GRM7: variants seen among roughly 807,000 people sequenced by gnomAD.
GRM7 encodes the protein metabotropic glutamate receptor 7.
In GRM7, 35 loss-of-function variants were observed where a neutral mutation model predicts 84.5. That is an observed-to-expected ratio of 0.41 (90% CI 0.32 to 0.55). The LOEUF (loss-of-function observed/expected upper bound fraction) is 0.55. GRM7 is among the 20% of genes least tolerant of loss of function. The probability of loss-of-function intolerance (pLI) is 0.19; values close to 1 mark genes in which losing one functional copy is unlikely to be tolerated. For missense variants in GRM7, 1,003 were observed against 1,194.6 expected, an observed-to-expected ratio of 0.84 and a Z score of 2.36; for synonymous variants, 487 against 455.1, an observed-to-expected ratio of 1.07 and a Z score of -0.89.
intron 1 of GRM7, among the ~76,000 whole-genome samples, chr3:6,951,288 T>G (rs1692750778): frequency 6.6e-6 from 1 of 152,220 alleles, no homozygotes; most frequent in African/African-American, 2.4e-5. Context: ...TACTATCATT[T>G]CAGGCTGATT....
At chr3:7,219,306 C>A (rs1696719841) in intron 2 of GRM7, among the ~76,000 whole-genome samples, 1 of 152,142 alleles carries the variant, frequency 6.6e-6, no homozygotes, top group Non-Finnish European at 1.5e-5. Flanking sequence ...CCTGGGAGAT[C>A]TGTTCCCATC....
chr3:7,651,605 T>C (rs1698942107), intron 8 of GRM7, among the ~76,000 whole-genome samples: 1 of 152,210 alleles, frequency 6.6e-6, no homozygotes, highest in African/African-American at 2.4e-5. Flanking sequence ...CAGTCCTGGC[T>C]CTGTGAGAAG....
chr3:7,439,795 G>A (rs1195820262), intron 5 of GRM7, among the ~76,000 whole-genome samples: 1 of 152,180 alleles, frequency 6.6e-6, no homozygotes, highest in Non-Finnish European at 1.5e-5. Flanking sequence ...TTTAGTTAAG[G>A]AAGTATTTGA....
chr3:7,249,217 C>G (rs888318631), intron 2 of GRM7, among the ~76,000 whole-genome samples: 7 of 152,076 alleles, frequency 4.6e-5, no homozygotes, highest in African/African-American at 1.4e-4. Flanking sequence ...TTAATTATAC[C>G]TTTTCAGGAA....
At chr3:7,051,631 C>G (rs927784773) in intron 1 of GRM7, among the ~76,000 whole-genome samples, 2 of 151,626 alleles carry the variant, frequency 1.3e-5, no homozygotes, top group African/African-American at 2.4e-5. Context: ...AATTGGTAAC[C>G]AGGATGTTTT....
At chr3:7,675,801 C>A (rs1303093467) in intron 8 of GRM7, among the ~76,000 whole-genome samples, 1 of 152,160 alleles carries the variant, frequency 6.6e-6, no homozygotes, top group African/African-American at 2.4e-5. Context: ...AGAAACCTAA[C>A]CTGGCAGAAA....
chr3:7,659,850 A>C (rs1311703700), intron 8 of GRM7, among the ~76,000 whole-genome samples: 1 of 152,126 alleles, frequency 6.6e-6, no homozygotes, highest in East Asian at 1.9e-4. Context: ...TTTCCTTCAG[A>C]CTAACCCCAC....
chr3:6,980,359 T>C (rs1057026167), intron 1 of GRM7, among the ~76,000 whole-genome samples: 1 of 152,170 alleles, frequency 6.6e-6, no homozygotes, highest in East Asian at 1.9e-4. Flanking sequence ...ACATTTCATA[T>C]ATAATTTTTG....
intron 2 of GRM7, among the ~76,000 whole-genome samples, chr3:7,283,090 C>T (rs1699309895): frequency 6.6e-6 from 1 of 152,066 alleles, no homozygotes; most frequent in Non-Finnish European, 1.5e-5. Context: ...TTGCTAGTGA[C>T]ATGACCTCGA....
At chr3:7,572,001 A>C (rs543162901) in intron 7 of GRM7, among the ~76,000 whole-genome samples, 34 of 152,128 alleles carry the variant, frequency 2.2e-4, no homozygotes, top group Non-Finnish European at 4.3e-4. Context: ...ATTCACTATC[A>C]TGAGAACAGT....
intron 7 of GRM7, among the ~76,000 whole-genome samples, chr3:7,555,480 C>T (rs1235614848): frequency 2.0e-5 from 3 of 152,206 alleles, no homozygotes; most frequent in Non-Finnish European, 2.9e-5. Flanking sequence ...TTTTAACTCA[C>T]ATTTTGCAAT....
chr3:7,361,043 CCCT>C (rs1467695117), intron 4 of GRM7, among the ~76,000 whole-genome samples: 9 of 152,152 alleles, frequency 5.9e-5, no homozygotes, highest in Non-Finnish European at 1.3e-4. Flanking sequence ...AAAAGAAAGT[CCCT>C]TTGAATTATT....
intron 4 of GRM7, among the ~76,000 whole-genome samples, chr3:7,398,986 T>G (rs1184566229): frequency 6.6e-6 from 1 of 152,094 alleles, no homozygotes; most frequent in Non-Finnish European, 1.5e-5. Flanking sequence ...AGCTCTTCCC[T>G]TCACACACCA....
At chr3:6,986,141 C>A (rs751963056) in intron 1 of GRM7, among the ~76,000 whole-genome samples, 1 of 151,992 alleles carries the variant, frequency 6.6e-6, no homozygotes, top group Non-Finnish European at 1.5e-5. Context: ...CTTAGTAACA[C>A]GGTATTATGC....
chr3:7,460,196 C>G (rs1288593706), intron 6 of GRM7, among the ~76,000 whole-genome samples: 1 of 140,718 alleles, frequency 7.1e-6, no homozygotes, highest in African/African-American at 2.6e-5. Context: ...TAACTCAACA[C>G]AAGAATGACG....
chr3:7,440,228 G>A (rs1697231675), intron 5 of GRM7, among the ~76,000 whole-genome samples: 1 of 152,148 alleles, frequency 6.6e-6, no homozygotes, highest in African/African-American at 2.4e-5. Context: ...AAATGCAGGT[G>A]AACTTTGGAA....
intron 2 of GRM7, among the ~76,000 whole-genome samples, chr3:7,184,118 G>A (rs892935434): frequency 6.6e-6 from 1 of 152,068 alleles, no homozygotes; most frequent in African/African-American, 2.4e-5. Context: ...TGAATAGGCA[G>A]GAGAAAGAGA....
intron 8 of GRM7, among the ~76,000 whole-genome samples, chr3:7,646,385 G>C (rs1210235640): frequency 6.6e-6 from 1 of 152,008 alleles, no homozygotes; most frequent in Non-Finnish European, 1.5e-5. Context: ...GTAGAGAGGG[G>C]GTTTCACCAT....
chr3:7,737,777 G>T (rs1397118053), intron 9 of GRM7, among the ~76,000 whole-genome samples: 2 of 151,400 alleles, frequency 1.3e-5, no homozygotes, highest in African/African-American at 4.8e-5. Flanking sequence ...TATATTCCCA[G>T]ATGAGAAACG....
Sources: gnomAD v4.1 joint callset for allele counts (sites outside exome capture counted in the v4.1 genomes callset) on GRCh38, gnomAD v4.1.1 for gene constraint, MANE v1.5 for transcripts, NCBI Gene and HGNC (gene_info 2026-07-23, HGNC 2026-07-21) for gene names.